The following ASB7 variants were observed in gnomAD, a reference collection of about 807,000 sequenced individuals.
ASB7 encodes ankyrin repeat and SOCS box protein 7.
A neutral mutation model predicts 32.5 loss-of-function variants in ASB7; 4 were observed. The ratio of observed to expected loss-of-function variants is 0.12; its 90% CI spans 0.06 to 0.28. The LOEUF (loss-of-function observed/expected upper bound fraction) is 0.28, where lower values mean the gene tolerates loss of function less well. Ranked by LOEUF, ASB7 falls within the 10% of genes least tolerant of loss-of-function variation. ASB7 has a pLI of 1.00. For synonymous variants in ASB7, 172 were observed against 155.6 expected, an observed-to-expected ratio of 1.11 and a Z score of -0.78; for missense variants, 181 against 407.1, an observed-to-expected ratio of 0.44 and a Z score of 4.78.
chr15:100,641,696 T>C (rs1412901769), intron 5 of ASB7, among the ~76,000 whole-genome samples: 1 of 152,250 alleles, frequency 6.6e-6, no homozygotes, highest in Non-Finnish European at 1.5e-5. Flanking sequence ...GTTTTCTTAC[T>C]GTCCTGACAC....
intron 4 of ASB7, among the ~76,000 whole-genome samples, chr15:100,615,783 A>G (rs1045636158): frequency 3.3e-5 from 5 of 151,926 alleles, no homozygotes; most frequent in Non-Finnish European, 5.9e-5. Flanking sequence ...CCTCCTCTTG[A>G]TTTTTTCACA....
At chr15:100,648,290 C>CTTTGTAACA in intron 5 of ASB7, 33 bp from the exon 6 acceptor site, 1 of 1,556,808 alleles carries the variant, frequency 6.4e-7, no homozygotes, top group Non-Finnish European at 8.7e-7. Context: ...TGCTTTGTGG[C>CTTTGTAACA]TTTGTAACAT....
At chr15:100,632,106 G>A (rs1447308791) in intron 5 of ASB7, among the ~76,000 whole-genome samples, 1 of 152,338 alleles carries the variant, frequency 6.6e-6, no homozygotes, top group East Asian at 1.9e-4. Flanking sequence ...CAGCAGGAAT[G>A]TTGAGTTAAA....
At chr15:100,630,185 A>C (rs2039873258) in intron 5 of ASB7, 143 bp downstream of exon 5, 4 of 1,354,510 alleles carry the variant, frequency 3.0e-6, no homozygotes, top group Non-Finnish European at 3.8e-6. Flanking sequence ...CATTCTTCTG[A>C]AATAAAAAAA....
intron 5 of ASB7, among the ~76,000 whole-genome samples, chr15:100,641,939 A>T (rs1375021370): frequency 6.6e-6 from 1 of 152,174 alleles, no homozygotes; most frequent in Non-Finnish European, 1.5e-5. Context: ...GATCACAGAG[A>T]CTGCAAGTGG....
intron 5 of ASB7, chr15:100,638,446 G>C (rs2039939714): frequency 4.6e-5 from 7 of 152,072 alleles, no homozygotes; most frequent in Admixed American, 4.6e-4. Context: ...TACTGCACTT[G>C]ACTAGTCTTA....
chr15:100,642,689 T>C (rs2039969573), intron 5 of ASB7, among the ~76,000 whole-genome samples: 1 of 152,244 alleles, frequency 6.6e-6, no homozygotes, highest in Non-Finnish European at 1.5e-5. Context: ...ACTTCCCTGC[T>C]CCACACGTTA....
intron 5 of ASB7, among the ~76,000 whole-genome samples, chr15:100,636,978 G>A (rs766987720): frequency 6.6e-5 from 10 of 152,188 alleles, no homozygotes; most frequent in East Asian, 1.9e-4. Flanking sequence ...GGCCCCAGCC[G>A]GTACTGGTCG....
At chr15:100,640,068 T>C (rs1013228674) in intron 5 of ASB7, among the ~76,000 whole-genome samples, 6 of 152,238 alleles carry the variant, frequency 3.9e-5, no homozygotes, top group African/African-American at 1.4e-4. Flanking sequence ...TAGCACATTT[T>C]ATACTAGGGT....
intron 3 of ASB7, among the ~76,000 whole-genome samples, chr15:100,611,641 G>T (rs1401919981): frequency 6.7e-6 from 1 of 149,896 alleles, no homozygotes; most frequent in Non-Finnish European, 1.5e-5. Flanking sequence ...CACCACACCC[G>T]GCTAATTTTT....
chr15:100,639,276 T>C (rs557518203), intron 5 of ASB7, among the ~76,000 whole-genome samples: 64 of 152,338 alleles, frequency 4.2e-4, no homozygotes, highest in Middle Eastern at 3.4e-3. Context: ...ATCACAGATA[T>C]CTGAAGATAC....
At chr15:100,626,443 A>G (rs1484853171) in intron 4 of ASB7, among the ~76,000 whole-genome samples, 1 of 152,220 alleles carries the variant, frequency 6.6e-6, no homozygotes, top group Admixed American at 6.5e-5. Context: ...AATTAAAATG[A>G]CTAATGATAC....
intron 4 of ASB7, among the ~76,000 whole-genome samples, chr15:100,615,012 C>T (rs2039730061): frequency 6.6e-6 from 1 of 152,118 alleles, no homozygotes; most frequent in African/African-American, 2.4e-5. Context: ...TGTACCTTTT[C>T]TATGGTTAGG....
intron 3 of ASB7, among the ~76,000 whole-genome samples, chr15:100,611,343 T>C (rs1166619775): frequency 6.6e-6 from 1 of 152,042 alleles, no homozygotes; most frequent in Non-Finnish European, 1.5e-5. Context: ...CGTGAGCCAC[T>C]GTGCCTGGCC....
At chr15:100,618,806 C>T (rs1420982325) in intron 4 of ASB7, among the ~76,000 whole-genome samples, 3 of 152,226 alleles carry the variant, frequency 2.0e-5, no homozygotes, top group Non-Finnish European at 4.4e-5. Flanking sequence ...ATATGGGACT[C>T]TCCTTCTGGT....
chr15:100,618,968 G>C (rs1307849500), intron 4 of ASB7, among the ~76,000 whole-genome samples: 1 of 152,148 alleles, frequency 6.6e-6, no homozygotes, highest in Non-Finnish European at 1.5e-5. Flanking sequence ...ATTCACCCAA[G>C]GTCATTACTT....
chr15:100,617,892 T>C (rs182424559), intron 4 of ASB7, among the ~76,000 whole-genome samples: 12 of 152,308 alleles, frequency 7.9e-5, no homozygotes, highest in African/African-American at 2.9e-4. Context: ...CAATCTTTTC[T>C]TTTATCAAAA....
intron 3 of ASB7, among the ~76,000 whole-genome samples, chr15:100,611,637 A>G (rs1210244100): frequency 1.3e-5 from 2 of 150,050 alleles, no homozygotes; most frequent in East Asian, 3.9e-4. Context: ...GTGCCACCAC[A>G]CCCGGCTAAT....
chr15:100,606,268 A>G (rs1417055543), intron 2 of ASB7, among the ~76,000 whole-genome samples: 1 of 150,936 alleles, frequency 6.6e-6, no homozygotes, highest in Non-Finnish European at 1.5e-5. Context: ...ATTTTTGTTT[A>G]CTTTGCAAAG....
Sources: allele counts gnomAD v4.1 joint callset (sites outside exome capture counted in the v4.1 genomes callset), GRCh38; gene constraint gnomAD v4.1.1; transcripts MANE v1.5; gene names NCBI Gene and HGNC (gene_info 2026-07-23, HGNC 2026-07-21).